MRM1: variants seen among roughly 807,000 people sequenced by gnomAD.
The protein encoded by MRM1 is mitochondrial rRNA methyltransferase 1.
MRM1 carries 24 observed loss-of-function variants against 25.0 expected under a neutral mutation model. The observed-to-expected ratio is 0.96, with a 90% CI of 0.69 to 1.35. MRM1 has a LOEUF of 1.35. MRM1 is among the 40% of genes most tolerant of loss of function. The pLI, the probability that MRM1 is intolerant of heterozygous loss-of-function variation, is 0.00. For synonymous variants in MRM1, 188 were observed against 199.2 expected (o/e 0.94, Z 0.47); for missense variants, 431 against 464.1 (o/e 0.93, Z 0.65).
Position 36,602,530 on chromosome 17 carries a change from C to T in MRM1, c.543-23C>T, listed in dbSNP as rs182503250. The T allele has an allele frequency of 1.7e-3, 2,674 of 1,613,944 alleles. 10 individuals carry two copies. The highest frequency in any genetic ancestry group is 1.2e-3 in the Non-Finnish European group (1,459 of 1,179,876). On this transcript the variant is annotated intron_variant, in intron 1 of 4. Coordinates refer to ENST00000614766, the MANE Select transcript of MRM1 (RefSeq NM_024864.5). The surrounding 1 kb of genome is among the most constrained non-coding windows in gnomAD (Gnocchi z 4.1). ...GGGCTTGAGATGGCCCAGCCTAATG[C>T]GGGGAACGGGGAAACCTTGCAGCTG...
At chr17:36,616,819 C>T in the MRM1 span, among the ~76,000 whole-genome samples, 1 of 152,192 alleles carries the variant, frequency 6.6e-6, no homozygotes, top group Non-Finnish European at 1.5e-5. Context: ...CAGCCTCCAA[C>T]TCCGGGCTCA....
chr17:36,624,604 G>A, the MRM1 span, among the ~76,000 whole-genome samples: 1 of 152,220 alleles, frequency 6.6e-6, no homozygotes, highest in South Asian at 2.1e-4. The surrounding 1 kb of genome is among the most constrained non-coding windows in gnomAD (Gnocchi z 4.0). Flanking sequence ...TGGAGGGGAT[G>A]CTGGATAGGA....
chr17:36,620,234 G>A, the MRM1 span, among the ~76,000 whole-genome samples: 2 of 138,278 alleles, frequency 1.4e-5, no homozygotes, highest in African/African-American at 2.7e-5. Context: ...TTTGTTACCT[G>A]TGCTTTTGAT....
the MRM1 span, among the ~76,000 whole-genome samples, chr17:36,615,905 A>G: frequency 6.6e-6 from 1 of 151,990 alleles, no homozygotes; most frequent in Non-Finnish European, 1.5e-5. Context: ...AGGCAGGAGA[A>G]TCACTTGAAC....
the MRM1 span, among the ~76,000 whole-genome samples, chr17:36,622,631 G>T: frequency 1.3e-4 from 20 of 152,238 alleles, no homozygotes; most frequent in African/African-American, 4.1e-4. Context: ...CCTGATGTCG[G>T]ATTCCTTCAT....
At chr17:36,624,107 C>T in the MRM1 span, among the ~76,000 whole-genome samples, 6 of 152,190 alleles carry the variant, frequency 3.9e-5, no homozygotes, top group Non-Finnish European at 8.8e-5. The surrounding 1 kb of genome is among the most constrained non-coding windows in gnomAD (Gnocchi z 4.0). Context: ...CCGCCAAGTC[C>T]AGCTGTGAAA....
the MRM1 span, among the ~76,000 whole-genome samples, chr17:36,631,900 C>T: frequency 4.6e-5 from 7 of 152,316 alleles, no homozygotes; most frequent in African/African-American, 1.4e-4. Context: ...GGGGTCCTTG[C>T]TCCCCTCTTC....
At chr17:36,621,197 C>G in the MRM1 span, among the ~76,000 whole-genome samples, 1 of 152,094 alleles carries the variant, frequency 6.6e-6, no homozygotes, top group African/African-American at 2.4e-5. Flanking sequence ...GCCAAGGACC[C>G]AAGCCAGCCA....
At chr17:36,615,186 C>T in the MRM1 span, among the ~76,000 whole-genome samples, 1 of 152,216 alleles carries the variant, frequency 6.6e-6, no homozygotes, top group Admixed American at 6.5e-5. Flanking sequence ...TTTCAGAGGA[C>T]ACCCTTCACC....
chr17:36,624,986 A>G, the MRM1 span, among the ~76,000 whole-genome samples: 1 of 152,152 alleles, frequency 6.6e-6, no homozygotes, highest in African/African-American at 2.4e-5. This position sits in a 1 kb window ranked among gnomAD's most constrained non-coding sequence, Gnocchi z 4.0. Flanking sequence ...CAGAGCCCAG[A>G]GCTTCACCTC....
chr17:36,619,277 T>TATCC, the MRM1 span, among the ~76,000 whole-genome samples: 3 of 152,252 alleles, frequency 2.0e-5, no homozygotes, highest in African/African-American at 7.2e-5. Context: ...ACATTTTGTT[T>TATCC]ATCCATCCAT....
At chr17:36,610,237 C>CT (rs34382830), downstream of MRM1, among the ~76,000 whole-genome samples, 1,367 of 139,142 alleles carry the variant, frequency 9.8e-3, 20 homozygotes, top group Middle Eastern at 0.024. Flanking sequence ...GGCCTAAGAT[C>CT]TTTTTTTTTT....
chr17:36,621,477 G>A, the MRM1 span, among the ~76,000 whole-genome samples: 1 of 152,076 alleles, frequency 6.6e-6, no homozygotes, highest in South Asian at 2.1e-4. Context: ...TGCTGACCCT[G>A]GTGTTTCCCC....
the MRM1 span, among the ~76,000 whole-genome samples, chr17:36,616,022 A>G: frequency 3.3e-5 from 5 of 152,064 alleles, no homozygotes; most frequent in African/African-American, 1.2e-4. Flanking sequence ...CAACAACGAC[A>G]ACAAAACTTT....
the MRM1 span, among the ~76,000 whole-genome samples, chr17:36,622,796 T>C: frequency 6.6e-6 from 1 of 152,172 alleles, no homozygotes; most frequent in African/African-American, 2.4e-5. Context: ...CATGTCTGCC[T>C]GGGTCATGCT....
the MRM1 span, among the ~76,000 whole-genome samples, chr17:36,615,786 A>G: frequency 7.2e-5 from 11 of 152,166 alleles, no homozygotes; most frequent in Non-Finnish European, 1.3e-4. Flanking sequence ...ACCTGAGGTC[A>G]GAAGTTCAAG....
chr17:36,616,273 G>A, the MRM1 span, among the ~76,000 whole-genome samples: 1 of 152,206 alleles, frequency 6.6e-6, no homozygotes, highest in Non-Finnish European at 1.5e-5. Flanking sequence ...GGCTGGAGGG[G>A]CAGATCCCTG....
At chr17:36,606,232 C>G (rs1310905873) in intron 2 of MRM1, among the ~76,000 whole-genome samples, 1 of 152,188 alleles carries the variant, frequency 6.6e-6, no homozygotes, top group African/African-American at 2.4e-5. Context: ...AGTCCATCCC[C>G]ACCTGCCCTT....
At chr17:36,603,495 G>A (rs2074901103) in intron 2 of MRM1, among the ~76,000 whole-genome samples, 1 of 152,020 alleles carries the variant, frequency 6.6e-6, no homozygotes, top group Non-Finnish European at 1.5e-5. Context: ...TCTGCCTCCT[G>A]GGTTCAAGTG....
Sources: gnomAD v4.1 joint callset for allele counts (sites outside exome capture counted in the v4.1 genomes callset) on GRCh38, gnomAD v4.1.1 for gene constraint, Gnocchi (gnomAD v3.1) non-coding constraint, MANE v1.5 for transcripts, NCBI Gene and HGNC (gene_info 2026-07-23, HGNC 2026-07-21) for gene names.